The following RNF150 variants were observed in gnomAD, a reference collection of about 807,000 sequenced individuals.
The protein encoded by RNF150 is ring finger protein 150.
In RNF150, 24 loss-of-function variants were observed where a neutral mutation model predicts 39.3. The observed-to-expected ratio is 0.61, with a 90% CI of 0.44 to 0.86. The LOEUF (loss-of-function observed/expected upper bound fraction) is 0.86. RNF150 is among the 40% of genes least tolerant of loss of function. The pLI is 0.00. For synonymous variants in RNF150, 255 were observed against 227.3 expected (o/e 1.12, Z -1.10); for missense variants, 502 against 587.8 (o/e 0.85, Z 1.51).
chr4:141,151,665 G>C (rs747544148), intron 1 of RNF150, among the ~76,000 whole-genome samples: 1 of 152,068 alleles, frequency 6.6e-6, no homozygotes, highest in Non-Finnish European at 1.5e-5. Context: ...CCTTAGAATA[G>C]AACAATTCCT....
chr4:140,956,447 C>T (rs1218566946), intron 2 of RNF150, among the ~76,000 whole-genome samples: 2 of 152,116 alleles, frequency 1.3e-5, no homozygotes, highest in African/African-American at 4.8e-5. Flanking sequence ...GGCCTCCCAA[C>T]TCAAAGGTCA....
At chr4:141,098,988 C>T (rs1057475310) in intron 1 of RNF150, among the ~76,000 whole-genome samples, 4 of 152,124 alleles carry the variant, frequency 2.6e-5, no homozygotes, top group African/African-American at 9.7e-5. Flanking sequence ...TCTATAATTA[C>T]CAAACTCAAA....
chr4:140,883,184 C>T, intron 6 of RNF150, among the ~76,000 whole-genome samples: 1 of 152,116 alleles, frequency 6.6e-6, no homozygotes, highest in East Asian at 1.9e-4. Context: ...CCCTTCTACA[C>T]TAAGTTACTG....
chr4:141,103,898 A>G lies in RNF150; in HGVS notation c.484+28427T>C, dbSNP rs75120435. ...TCTATTTTCAAAAATTCAAAACACAAAAGGTCTAGGAATGCCCATTTAATT... is the reference window on the plus strand; with the variant it reads ...TCTATTTTCAAAAATTCAAAACACAGAAGGTCTAGGAATGCCCATTTAATT... On this transcript the variant is annotated intron_variant, in intron 1 of 6. Coordinates refer to ENST00000515673, the MANE Select transcript of RNF150 (RefSeq NM_020724.2). Among the ~76,000 whole-genome samples the G allele has an allele frequency of 1.7e-3, 266 of 152,322 alleles. 2 individuals carry two copies. Among genetic ancestry groups the G allele is most frequent in the Non-Finnish European group, 3.5e-3 (237 of 68,034 alleles).
intron 1 of RNF150, among the ~76,000 whole-genome samples, chr4:141,041,062 T>G (rs1254683718): frequency 6.6e-6 from 1 of 152,236 alleles, no homozygotes; most frequent in South Asian, 2.1e-4. Context: ...GTTTAGTAAA[T>G]GTTGACTATT....
chr4:141,209,326 G>A (rs1728424456), intron 1 of RNF150, among the ~76,000 whole-genome samples: 1 of 152,030 alleles, frequency 6.6e-6, no homozygotes, highest in South Asian at 2.1e-4. Context: ...TCTGAAATTT[G>A]TCTACAAGTC....
At chr4:140,969,802 C>T (rs1204967195) in intron 1 of RNF150, among the ~76,000 whole-genome samples, 1 of 126,560 alleles carries the variant, frequency 7.9e-6, no homozygotes, top group East Asian at 2.3e-4. Flanking sequence ...TGCTCTGTTG[C>T]CCAGGCTGGA....
chr4:141,067,815 T>C (rs1737520572), intron 1 of RNF150, among the ~76,000 whole-genome samples: 1 of 152,136 alleles, frequency 6.6e-6, no homozygotes, highest in Non-Finnish European at 1.5e-5. Flanking sequence ...GAAACATACA[T>C]GTCAAAAAGC....
At chr4:141,186,008 T>A (rs138101425) in intron 1 of RNF150, among the ~76,000 whole-genome samples, 139 of 152,340 alleles carry the variant, frequency 9.1e-4, no homozygotes, top group African/African-American at 3.2e-3. Context: ...CTGTTGTGTC[T>A]TTGCCAGATT....
chr4:141,177,054 G>A (rs1454356141), intron 1 of RNF150, among the ~76,000 whole-genome samples: 11 of 111,686 alleles, frequency 9.8e-5, no homozygotes, highest in Non-Finnish European at 1.4e-4. Context: ...TGTCTCCTAG[G>A]AAAAAAAAAA....
At chr4:141,087,211 G>A (rs922925824) in intron 1 of RNF150, among the ~76,000 whole-genome samples, 34 of 152,054 alleles carry the variant, frequency 2.2e-4, no homozygotes, top group African/African-American at 7.0e-4. Flanking sequence ...CATTTAGCTC[G>A]CACTTATAAG....
At chr4:141,058,980 A>C (rs1737103624) in intron 1 of RNF150, among the ~76,000 whole-genome samples, 1 of 152,210 alleles carries the variant, frequency 6.6e-6, no homozygotes, top group Non-Finnish European at 1.5e-5. Flanking sequence ...TTAAGTGGTC[A>C]GTTTTAGACA....
intron 1 of RNF150, among the ~76,000 whole-genome samples, chr4:141,056,191 CTG>C (rs1160746502): frequency 1.3e-5 from 2 of 152,128 alleles, no homozygotes; most frequent in Non-Finnish European, 2.9e-5. Flanking sequence ...TTTTAAGAAA[CTG>C]TAAGTTTTTG....
In RNF150 at chr4:141,146,209, T is replaced by C. The variant is rs539908468; in HGVS notation, c.-6+66585A>G. ...TCTATTGACTAAGCTAAAGTGGTTTTAAAATTCATGTCACATTGCAGATCC... is the reference window on the plus strand; with the variant it reads ...TCTATTGACTAAGCTAAAGTGGTTTCAAAATTCATGTCACATTGCAGATCC... On this transcript the variant is annotated intron_variant, in intron 1 of 7. Transcript: ENST00000420921. 4.1e-4 allele frequency among the ~76,000 whole-genome samples: 62 copies of C among 152,350 alleles called. 2 individuals carry two copies. In the South Asian group the frequency reaches 0.013, roughly 31 times the overall value.
intron 1 of RNF150, among the ~76,000 whole-genome samples, chr4:141,027,630 T>C (rs1042765604): frequency 2.0e-5 from 3 of 152,160 alleles, no homozygotes; most frequent in Non-Finnish European, 4.4e-5. Flanking sequence ...GTCTGGCCTA[T>C]AAAAATCTCT....
chr4:141,126,052 A>G (rs1049312584), intron 1 of RNF150, among the ~76,000 whole-genome samples: 1 of 152,000 alleles, frequency 6.6e-6, no homozygotes, highest in South Asian at 2.1e-4. Flanking sequence ...AATTTCTGCT[A>G]GTAGACAGGT....
chr4:140,897,744 G>T (rs1289995137), intron 6 of RNF150, among the ~76,000 whole-genome samples: 4 of 152,120 alleles, frequency 2.6e-5, no homozygotes, highest in African/African-American at 9.7e-5. Context: ...CTTCTATACA[G>T]TAACATTTTT....
At chr4:140,909,037 T>A (rs1730494695) in intron 6 of RNF150, among the ~76,000 whole-genome samples, 1 of 152,168 alleles carries the variant, frequency 6.6e-6, no homozygotes, top group Non-Finnish European at 1.5e-5. Context: ...TTCCAATATA[T>A]TTCACTAAGG....
chr4:141,179,623 TG>T (rs530551686), intron 1 of RNF150, among the ~76,000 whole-genome samples: 219 of 152,276 alleles, frequency 1.4e-3, no homozygotes, highest in Non-Finnish European at 2.5e-3. Context: ...TTTCCTGATT[TG>T]TTTCCTTTTT....
Sources: allele counts gnomAD v4.1 joint callset (sites outside exome capture counted in the v4.1 genomes callset), GRCh38; gene constraint gnomAD v4.1.1; transcripts MANE v1.5; gene names NCBI Gene and HGNC (gene_info 2026-07-23, HGNC 2026-07-21).